Variants in DNM3 observed in about 807,000 individuals in gnomAD.
The protein encoded by DNM3 is dynamin 3, also known as dynamin-3.
In DNM3, 47 loss-of-function variants were observed where a neutral mutation model predicts 101.6. That is an observed-to-expected ratio of 0.46 (90% CI 0.37 to 0.59). The LOEUF is 0.59. DNM3 is among the 20% of genes least tolerant of loss of function. DNM3 has a pLI of 0.00. For synonymous variants in DNM3, 385 were observed against 387.9 expected (o/e 0.99, Z 0.09); for missense variants, 849 against 1,085.7 (o/e 0.78, Z 3.06).
At chr1:172,078,415 G>T (rs2052852685) in intron 11 of DNM3, among the ~76,000 whole-genome samples, 1 of 151,440 alleles carries the variant, frequency 6.6e-6, no homozygotes, top group Admixed American at 6.6e-5. Context: ...TTTAAAGTAG[G>T]TTTTATCAGC....
intron 14 of DNM3, among the ~76,000 whole-genome samples, chr1:172,149,644 G>A (rs980906083): frequency 6.6e-6 from 1 of 152,040 alleles, no homozygotes; most frequent in African/African-American, 2.4e-5. Context: ...ATGAGGGCTG[G>A]TTCCCTTGGA....
intron 10 of DNM3, among the ~76,000 whole-genome samples, chr1:172,062,026 T>C (rs1012315169): frequency 1.3e-5 from 2 of 152,162 alleles, no homozygotes; most frequent in Non-Finnish European, 2.9e-5. Context: ...TGTTGGGTAT[T>C]ATAGGAAATT....
At chr1:171,913,356 C>T (rs184622141) in intron 1 of DNM3, among the ~76,000 whole-genome samples, 6 of 152,224 alleles carry the variant, frequency 3.9e-5, no homozygotes, top group South Asian at 2.1e-4. Context: ...GTATTGAGTA[C>T]TTCATATTAT....
intron 1 of DNM3, among the ~76,000 whole-genome samples, chr1:171,877,598 A>C: frequency 6.6e-6 from 1 of 152,248 alleles, no homozygotes; most frequent in South Asian, 2.1e-4. Context: ...TACTAAGAGC[A>C]AAAAGTGCCA....
chr1:172,162,521 G>T (rs1272230482), intron 14 of DNM3, among the ~76,000 whole-genome samples: 2 of 151,996 alleles, frequency 1.3e-5, no homozygotes, highest in East Asian at 3.9e-4. Flanking sequence ...AGAGATGGCT[G>T]ACAGCTTTCT....
intron 1 of DNM3, among the ~76,000 whole-genome samples, chr1:171,887,407 G>T (rs962914193): frequency 3.9e-5 from 6 of 152,146 alleles, no homozygotes; most frequent in African/African-American, 1.2e-4. Flanking sequence ...TGAGGGCAGG[G>T]TCTTTCTTAA....
At chr1:172,223,774 G>T (rs2061000571) in intron 14 of DNM3, among the ~76,000 whole-genome samples, 1 of 152,086 alleles carries the variant, frequency 6.6e-6, no homozygotes, top group South Asian at 2.1e-4. Flanking sequence ...CTTGATTATT[G>T]TAAGAGCTTC....
intron 19 of DNM3, 123 bp from the exon 20 acceptor site, chr1:172,388,450 C>A: frequency 2.4e-6 from 2 of 842,332 alleles, no homozygotes; most frequent in Non-Finnish European, 3.7e-6. Context: ...ACTTTCATGA[C>A]ATGAATTGGA....
chr1:172,039,228 C>G (rs2049184832), intron 7 of DNM3, among the ~76,000 whole-genome samples: 1 of 152,106 alleles, frequency 6.6e-6, no homozygotes, highest in Non-Finnish European at 1.5e-5. Context: ...CCCTGCCCAG[C>G]ACACACTGCA....
chr1:172,205,088 T>C (rs1267451690), intron 14 of DNM3, among the ~76,000 whole-genome samples: 2 of 152,192 alleles, frequency 1.3e-5, no homozygotes, highest in East Asian at 3.9e-4. Context: ...TAAACGTGCA[T>C]GTGTTTTGGT....
intron 17 of DNM3, among the ~76,000 whole-genome samples, chr1:172,356,750 G>A (rs2067473006): frequency 6.6e-6 from 1 of 151,990 alleles, no homozygotes; most frequent in Admixed American, 6.6e-5. Flanking sequence ...TTTACCACTA[G>A]GAGAGTTATG....
intron 11 of DNM3, among the ~76,000 whole-genome samples, chr1:172,079,913 C>G (rs1421584466): frequency 1.3e-5 from 2 of 152,122 alleles, no homozygotes; most frequent in Non-Finnish European, 2.9e-5. Flanking sequence ...TGCTAGAGTT[C>G]CACTCCAGAC....
chr1:171,929,684 G>A (rs1005290548), intron 2 of DNM3, among the ~76,000 whole-genome samples: 2 of 152,226 alleles, frequency 1.3e-5, no homozygotes, highest in East Asian at 3.9e-4. Context: ...AAAGATGGCA[G>A]CCTGGCCCTC....
At chr1:171,842,457 G>A (rs1202706587) in intron 1 of DNM3, among the ~76,000 whole-genome samples, 2 of 152,190 alleles carry the variant, frequency 1.3e-5, no homozygotes, top group African/African-American at 4.8e-5. Flanking sequence ...TTCTCCTCCC[G>A]GAGAGTCGAA....
chr1:172,339,412 C>T (rs2066589962), intron 17 of DNM3, among the ~76,000 whole-genome samples: 1 of 152,180 alleles, frequency 6.6e-6, no homozygotes, highest in African/African-American at 2.4e-5. Context: ...CACCTTTGCC[C>T]TTGCCCTGGC....
intron 17 of DNM3, among the ~76,000 whole-genome samples, chr1:172,329,638 C>A (rs1194185587): frequency 2.6e-5 from 4 of 151,924 alleles, no homozygotes; most frequent in African/African-American, 9.7e-5. Context: ...TTAAAGCTTT[C>A]GTATGAGACA....
At chr1:172,144,800 C>T (rs545578968) in intron 14 of DNM3, 4 of 324,514 alleles carry the variant, frequency 1.2e-5, no homozygotes, top group African/African-American at 8.8e-5. Flanking sequence ...TTGCTGCAGA[C>T]TGGGGAACTG....
intron 14 of DNM3, chr1:172,137,617 A>G (rs1319089403): frequency 6.6e-6 from 1 of 152,200 alleles, no homozygotes; most frequent in African/African-American, 2.4e-5. Flanking sequence ...TGCTTTAGTT[A>G]AGAATACATA....
At chr1:172,189,243 A>C (rs970686127) in intron 14 of DNM3, among the ~76,000 whole-genome samples, 2 of 151,624 alleles carry the variant, frequency 1.3e-5, no homozygotes, top group Non-Finnish European at 2.9e-5. Context: ...CCAATACCAT[A>C]CTCTCTTTAT....
Sources: allele counts gnomAD v4.1 joint callset (sites outside exome capture counted in the v4.1 genomes callset), GRCh38; gene constraint gnomAD v4.1.1; transcripts MANE v1.5; gene names NCBI Gene and HGNC (gene_info 2026-07-23, HGNC 2026-07-21).